Variants in DSCAM observed in about 807,000 individuals in gnomAD.
DSCAM encodes cell adhesion molecule DSCAM.
DSCAM carries 47 observed loss-of-function variants against 217.7 expected under a neutral mutation model. That is an observed-to-expected ratio of 0.22 (90% CI 0.17 to 0.28). The LOEUF (loss-of-function observed/expected upper bound fraction) is 0.28, where lower values mean the gene tolerates loss of function less well. Among genes scored for constraint, DSCAM ranks in the 10% least tolerant of loss-of-function variants. The pLI is 1.00. For synonymous variants in DSCAM, 1,056 were observed against 1,015.3 expected (o/e 1.04, Z -0.76); for missense variants, 2,080 against 2,618.3 (o/e 0.79, Z 4.49).
intron 15 of DSCAM, among the ~76,000 whole-genome samples, chr21:40,175,807 A>ACACACG (rs531907462): frequency 4.5e-5 from 4 of 88,176 alleles, no homozygotes; most frequent in Non-Finnish European, 1.0e-4. Context: ...ACACACACAC[A>ACACACG]CGCACACACA....
At chr21:40,140,732 A>G (rs2090279613) in intron 18 of DSCAM, among the ~76,000 whole-genome samples, 1 of 152,034 alleles carries the variant, frequency 6.6e-6, no homozygotes, top group Non-Finnish European at 1.5e-5. Flanking sequence ...GGAGGGGTGA[A>G]GGTGTTACAG....
In DSCAM at chr21:40,070,248, GGGAA is replaced by G. The variant is rs1337640013; in HGVS notation, c.4888+4785_4888+4788del. Among the ~76,000 whole-genome samples, 4 of 146,562 alleles carry G rather than the reference GGGAA, an allele frequency of 2.7e-5. No homozygotes were observed. In the South Asian group the frequency reaches 6.7e-4, roughly 25 times the overall value. On this transcript the variant is annotated intron_variant, in intron 27 of 32. Coordinates refer to ENST00000400454, the MANE Select transcript of DSCAM (RefSeq NM_001389.5). ...AAGGGGAAAGGAAGGAAGGAAGGTA[GGGAA>G]GGAGGGAGGGAGGGAGGGAGTGAAG...
chr21:40,055,935 A>G (rs2089012336), intron 28 of DSCAM, 95 bp from the exon 29 acceptor site: 2 of 849,308 alleles, frequency 2.4e-6, no homozygotes, highest in East Asian at 2.5e-5. Context: ...TATTGTCTAA[A>G]TATACAAATA....
At chr21:40,133,002 C>T (rs1438831839) in intron 19 of DSCAM, among the ~76,000 whole-genome samples, 14 of 152,162 alleles carry the variant, frequency 9.2e-5, no homozygotes, top group Non-Finnish European at 1.5e-5. Context: ...CAATCCAGCA[C>T]AGCATTTAGA....
At chr21:40,838,376 C>T (rs1409214309) in intron 1 of DSCAM, among the ~76,000 whole-genome samples, 2 of 152,198 alleles carry the variant, frequency 1.3e-5, no homozygotes, top group African/African-American at 4.8e-5. Flanking sequence ...CCCCCTCAGC[C>T]CCTGTGACCC....
intron 3 of DSCAM, among the ~76,000 whole-genome samples, chr21:40,414,265 T>C (rs1490583070): frequency 6.6e-6 from 1 of 151,840 alleles, no homozygotes; most frequent in Non-Finnish European, 1.5e-5. Context: ...CATATAAGAG[T>C]TCTTAGAACT....
intron 14 of DSCAM, among the ~76,000 whole-genome samples, chr21:40,183,472 AG>A (rs555890792): frequency 1.3e-5 from 2 of 152,200 alleles, no homozygotes; most frequent in Admixed American, 6.5e-5. Context: ...GACCAGAGTT[AG>A]GGGGGCAGGA....
In DSCAM at chr21:40,360,482, T is replaced by A. The variant is rs180864056; in HGVS notation, c.656-6739A>T. Among the ~76,000 whole-genome samples, 21 of 152,132 alleles carry A rather than the reference T, an allele frequency of 1.4e-4. No individual in the cohort carries two copies. The East Asian group carries it at 3.3e-3, about 24-fold the overall frequency. On this transcript the variant is annotated intron_variant, in intron 4 of 32. Coordinates refer to ENST00000400454, the MANE Select transcript of DSCAM (RefSeq NM_001389.5). The stretch of plus-strand genomic sequence containing the variant: ...AAACTCTCTGCCTTCCACAGTCTAG[T>A]GTCCACAGTGTCTATTGTTCCTGTA...
chr21:40,318,421 G>A (rs1003856418), intron 8 of DSCAM, among the ~76,000 whole-genome samples: 15 of 152,096 alleles, frequency 9.9e-5, no homozygotes, highest in Non-Finnish European at 2.1e-4. Context: ...AGGGACAAGA[G>A]TGAAGCTCCT....
intron 18 of DSCAM, among the ~76,000 whole-genome samples, chr21:40,138,414 G>T (rs1242993846): frequency 2.0e-5 from 3 of 150,446 alleles, no homozygotes; most frequent in African/African-American, 7.3e-5. Flanking sequence ...TGGTGTATGT[G>T]GGGGGTGCGT....
intron 8 of DSCAM, among the ~76,000 whole-genome samples, chr21:40,319,199 AG>A (rs1026412641): frequency 4.6e-5 from 7 of 152,168 alleles, no homozygotes; most frequent in African/African-American, 1.4e-4. Context: ...GAATTATTTA[AG>A]GTGTACTCAA....
chr21:40,040,483 G>T (rs2088725729), intron 32 of DSCAM, among the ~76,000 whole-genome samples: 1 of 152,186 alleles, frequency 6.6e-6, no homozygotes, highest in African/African-American at 2.4e-5. Context: ...AAGGGAAAAT[G>T]ACGGCATGCT....
chr21:40,419,944 T>C (rs2075407284), intron 3 of DSCAM, among the ~76,000 whole-genome samples: 1 of 152,152 alleles, frequency 6.6e-6, no homozygotes, highest in Non-Finnish European at 1.5e-5. Context: ...GATAAGTATA[T>C]ATAAAATTTA....
At chr21:40,587,629 A>G (rs1280157898) in intron 3 of DSCAM, among the ~76,000 whole-genome samples, 2 of 152,222 alleles carry the variant, frequency 1.3e-5, no homozygotes, top group African/African-American at 2.4e-5. Context: ...AAGTATAATC[A>G]TTTAAATAGT....
intron 32 of DSCAM, among the ~76,000 whole-genome samples, chr21:40,037,864 A>T (rs372419457): frequency 0.069 from 8,668 of 125,876 alleles, 347 homozygotes; most frequent in Middle Eastern, 0.11. Context: ...ATAATGCTGC[A>T]TATCTACAAC....
intron 16 of DSCAM, among the ~76,000 whole-genome samples, chr21:40,156,236 G>C (rs1194386686): frequency 6.8e-6 from 1 of 147,064 alleles, no homozygotes; most frequent in East Asian, 2.1e-4. Context: ...ACACACAGAT[G>C]GGAACGGCAC....
intron 1 of DSCAM, among the ~76,000 whole-genome samples, chr21:40,756,060 A>G (rs981327597): frequency 1.3e-5 from 2 of 152,196 alleles, no homozygotes; most frequent in African/African-American, 4.8e-5. Context: ...CTTATGTTGA[A>G]ATGTCATTTC....
intron 6 of DSCAM, among the ~76,000 whole-genome samples, chr21:40,341,445 T>G (rs2074490255): frequency 6.6e-6 from 1 of 152,226 alleles, no homozygotes; most frequent in Non-Finnish European, 1.5e-5. Flanking sequence ...ATACTTCTCT[T>G]TTTGTAGGTA....
chr21:40,436,018 A>G (rs1336905614), intron 3 of DSCAM, among the ~76,000 whole-genome samples: 1 of 152,148 alleles, frequency 6.6e-6, no homozygotes, highest in Non-Finnish European at 1.5e-5. Flanking sequence ...ATTTTGCCCA[A>G]CTGTAGGCTA....
Sources: allele counts gnomAD v4.1 joint callset (sites outside exome capture counted in the v4.1 genomes callset), GRCh38; gene constraint gnomAD v4.1.1; transcripts MANE v1.5; gene names NCBI Gene and HGNC (gene_info 2026-07-23, HGNC 2026-07-21).